Variants in NELL1 observed in about 807,000 individuals in gnomAD.
NELL1 encodes the protein neural EGFL like 1.
A neutral mutation model predicts 107.4 loss-of-function variants in NELL1; 76 were observed. The observed-to-expected ratio is 0.71, with a 90% CI of 0.59 to 0.86. The LOEUF (loss-of-function observed/expected upper bound fraction) is 0.86. Ranked by LOEUF, NELL1 falls within the 40% of genes least tolerant of loss-of-function variation. The pLI, the probability that NELL1 is intolerant of heterozygous loss-of-function variation, is 0.00. For missense variants in NELL1, 1,024 were observed against 1,005.5 expected (o/e 1.02, Z -0.25); for synonymous variants, 353 against 341.2 (o/e 1.03, Z -0.38).
At chr11:21,057,182 TAAG>T (rs1853633190) in intron 12 of NELL1, among the ~76,000 whole-genome samples, 1 of 152,038 alleles carries the variant, frequency 6.6e-6, no homozygotes, top group Admixed American at 6.6e-5. Context: ...ACAAAACACA[TAAG>T]AAGGCATTTC....
chr11:21,113,796 G>T, intron 13 of NELL1, 82 bp downstream of exon 13: 1 of 1,405,956 alleles, frequency 7.1e-7, no homozygotes, highest in South Asian at 1.4e-5. Context: ...AATTCCTAGT[G>T]CACAAAGTAC....
At chr11:21,529,760 TGTC>T (rs1316745778) in intron 15 of NELL1, among the ~76,000 whole-genome samples, 2 of 152,146 alleles carry the variant, frequency 1.3e-5, no homozygotes, top group African/African-American at 4.8e-5. Flanking sequence ...CAACTTATTC[TGTC>T]TTCTGTTTTA....
intron 14 of NELL1, among the ~76,000 whole-genome samples, chr11:21,234,624 C>G (rs1858153898): frequency 6.6e-6 from 1 of 152,184 alleles, no homozygotes; most frequent in Non-Finnish European, 1.5e-5. Flanking sequence ...TTTTAAGGCT[C>G]TCCAGAATCC....
chr11:21,262,034 T>A (rs1848544064), intron 14 of NELL1, among the ~76,000 whole-genome samples: 1 of 151,932 alleles, frequency 6.6e-6, no homozygotes, highest in Non-Finnish European at 1.5e-5. Context: ...ATTGATAATC[T>A]AATCATGGAA....
At chr11:21,116,958 C>T (rs938730830) in intron 13 of NELL1, among the ~76,000 whole-genome samples, 29 of 152,002 alleles carry the variant, frequency 1.9e-4, no homozygotes, top group African/African-American at 6.8e-4. Context: ...TTTCTTATTT[C>T]AATATATAAC....
At position 20,854,470 on chromosome 11, in the gene NELL1, C is replaced by A. The variant is rs192358571; in HGVS notation, c.506+6717C>A. 2.7e-3 allele frequency among the ~76,000 whole-genome samples: 410 copies of A among 152,286 alleles called. 6 individuals are homozygous for A. The highest frequency in any genetic ancestry group is 9.4e-3 in the African/African-American group (391 of 41,558). On this transcript the variant is annotated intron_variant, in intron 4 of 19. Coordinates refer to ENST00000357134, the MANE Select transcript of NELL1 (RefSeq NM_006157.5). ...TTCAAAGTGCCACTTCTGTAGTGGA[C>A]CTACAGGGGTTTGCAGTCATCTGAA...
intron 4 of NELL1, among the ~76,000 whole-genome samples, chr11:20,864,595 C>T (rs1432066110): frequency 6.6e-6 from 1 of 152,180 alleles, no homozygotes; most frequent in African/African-American, 2.4e-5. Context: ...TCCCAATTGG[C>T]AGGGGTCAAT....
intron 3 of NELL1, among the ~76,000 whole-genome samples, chr11:20,815,356 G>A (rs1467349857): frequency 6.6e-6 from 1 of 152,090 alleles, no homozygotes; most frequent in Non-Finnish European, 1.5e-5. Context: ...AAAGTGCTGG[G>A]ATTACAAGCA....
intron 3 of NELL1, among the ~76,000 whole-genome samples, chr11:20,784,970 G>A (rs1302030654): frequency 6.6e-6 from 1 of 152,220 alleles, no homozygotes; most frequent in African/African-American, 2.4e-5. Context: ...ACATAAATGT[G>A]TTAAGTTCAC....
chr11:21,109,120 G>A (rs1019625191), intron 12 of NELL1, among the ~76,000 whole-genome samples: 5 of 152,004 alleles, frequency 3.3e-5, no homozygotes, highest in African/African-American at 1.2e-4. Flanking sequence ...CCTCAGTTTC[G>A]TGGCATGGAG....
intron 12 of NELL1, among the ~76,000 whole-genome samples, chr11:20,964,238 C>T (rs1016547376): frequency 6.6e-6 from 1 of 151,984 alleles, no homozygotes; most frequent in African/African-American, 2.4e-5. Flanking sequence ...GGAGTAGTGT[C>T]TGAGGAAAGT....
At chr11:21,516,891 G>A (rs1018639711) in intron 15 of NELL1, among the ~76,000 whole-genome samples, 11 of 151,440 alleles carry the variant, frequency 7.3e-5, no homozygotes, top group African/African-American at 2.2e-4. Context: ...TGCAACCTCC[G>A]TCTCCCAGGG....
intron 15 of NELL1, among the ~76,000 whole-genome samples, chr11:21,422,403 A>T (rs1420950456): frequency 6.6e-6 from 1 of 152,124 alleles, no homozygotes; most frequent in Non-Finnish European, 1.5e-5. Flanking sequence ...TAAAAGAAAA[A>T]CTATTATAAG....
intron 12 of NELL1, among the ~76,000 whole-genome samples, chr11:20,995,126 GT>G (rs71856294): frequency 1.6e-4 from 24 of 149,462 alleles, no homozygotes; most frequent in African/African-American, 4.9e-4. Flanking sequence ...TAATTTTCTG[GT>G]TTTTTTTTTA....
chr11:21,364,176 C>T (rs34415109), intron 14 of NELL1, among the ~76,000 whole-genome samples: 4,054 of 151,750 alleles, frequency 0.027, 157 homozygotes, highest in African/African-American at 0.093. Context: ...TTTGGGAGGC[C>T]GAGGTGGGTG....
intron 14 of NELL1, among the ~76,000 whole-genome samples, chr11:21,309,128 G>A: frequency 6.6e-6 from 1 of 150,610 alleles, no homozygotes; most frequent in East Asian, 2.0e-4. Context: ...AGAATCAGCT[G>A]GACAGAGAAA....
chr11:21,098,470 T>A (rs1854710630), intron 12 of NELL1, among the ~76,000 whole-genome samples: 1 of 152,152 alleles, frequency 6.6e-6, no homozygotes. Context: ...AGCAGGTGAA[T>A]ATCTAAGGGC....
At chr11:21,047,726 T>A (rs184030447) in intron 12 of NELL1, among the ~76,000 whole-genome samples, 5 of 152,284 alleles carry the variant, frequency 3.3e-5, no homozygotes, top group African/African-American at 9.6e-5. Flanking sequence ...AGGAAATGTT[T>A]AGCCAGACTT....
chr11:21,208,238 G>T (rs921147646), intron 13 of NELL1, among the ~76,000 whole-genome samples: 1 of 151,614 alleles, frequency 6.6e-6, no homozygotes, highest in African/African-American at 2.4e-5. Context: ...AATAAAAACC[G>T]TCTATTCTTT....
Sources: gnomAD v4.1 joint callset for allele counts (sites outside exome capture counted in the v4.1 genomes callset) on GRCh38, gnomAD v4.1.1 for gene constraint, MANE v1.5 for transcripts, NCBI Gene and HGNC (gene_info 2026-07-23, HGNC 2026-07-21) for gene names.